LNX2: variants seen among roughly 807,000 people sequenced by gnomAD.
The protein encoded by LNX2 is ligand of numb-protein X 2.
In LNX2, 35 loss-of-function variants were observed where a neutral mutation model predicts 66.2. The observed-to-expected ratio is 0.53, with a 90% CI of 0.40 to 0.70. The LOEUF is 0.70. Ranked by LOEUF, LNX2 falls within the 30% of genes least tolerant of loss-of-function variation. LNX2 has a pLI of 0.00. For synonymous variants in LNX2, 337 were observed against 315.6 expected (o/e 1.07, Z -0.72); for missense variants, 791 against 850.8 (o/e 0.93, Z 0.87).
chr13:27,611,982 T>A (rs1955778474), intron 1 of LNX2, among the ~76,000 whole-genome samples: 2 of 152,026 alleles, frequency 1.3e-5, no homozygotes, highest in African/African-American at 2.4e-5. Context: ...AAGAAGGGAG[T>A]TAATTGATAA....
intron 7 of LNX2, among the ~76,000 whole-genome samples, chr13:27,555,728 A>C (rs766048802): frequency 3.6e-4 from 55 of 152,170 alleles, no homozygotes; most frequent in Non-Finnish European, 6.8e-4. Context: ...CTTATATACA[A>C]ACTAAGTCAA....
Position 27,547,957 on chromosome 13 carries a change from A to G in LNX2, c.*378T>C, listed in dbSNP as rs1593234937. 1 of 196,376 alleles carries G rather than the reference A, an allele frequency of 5.1e-6. No homozygotes were observed. The highest frequency in any genetic ancestry group is 1.3e-4 in the East Asian group (1 of 7,842). The allele number at this position is 196,376 out of a possible 1,614,324, so 12.2% of individuals were successfully genotyped here. A position where few individuals can be genotyped will look rare whatever the true frequency, so the allele number is the denominator to read the frequency against. On this transcript the variant is annotated 3_prime_UTR_variant, in exon 10 of 10. Coordinates refer to ENST00000316334, the MANE Select transcript of LNX2 (RefSeq NM_153371.4). Reference sequence around the variant, plus strand: ...CGCTGTTGTTACTGGCTTTGCTGACATCAGGCCTGAGGGATACAGAACTCG... The same window carrying G: ...CGCTGTTGTTACTGGCTTTGCTGACGTCAGGCCTGAGGGATACAGAACTCG...
chr13:27,589,614 G>C lies in LNX2; in HGVS notation c.-100-7811C>G, dbSNP rs556019620. On this transcript the variant is annotated intron_variant, in intron 1 of 9. Coordinates refer to ENST00000316334, the MANE Select transcript of LNX2 (RefSeq NM_153371.4). ...TAATTTTGAAATTCTCCTAAACCATGATGAAAAAGGTTTTTTTAGTGCAAA... is the reference window on the plus strand; with the variant it reads ...TAATTTTGAAATTCTCCTAAACCATCATGAAAAAGGTTTTTTTAGTGCAAA... 1.1e-3 allele frequency among the ~76,000 whole-genome samples: 163 copies of C among 152,084 alleles called. 1 individual carries two copies. Among genetic ancestry groups the C allele is most frequent in the Admixed American group, 2.8e-3 (43 of 15,270 alleles).
At chr13:27,595,998 T>C (rs543955648) in intron 1 of LNX2, among the ~76,000 whole-genome samples, 5 of 152,296 alleles carry the variant, frequency 3.3e-5, no homozygotes, top group Admixed American at 2.6e-4. Context: ...AACAAGTAGG[T>C]GGCTTCAGTG....
intron 1 of LNX2, among the ~76,000 whole-genome samples, chr13:27,606,408 A>G: frequency 6.6e-6 from 1 of 152,026 alleles, no homozygotes; most frequent in South Asian, 2.1e-4. Flanking sequence ...AAAGCTCAAA[A>G]AAAAAAAAGG....
At chr13:27,568,500 A>C (rs994077546) in intron 3 of LNX2, among the ~76,000 whole-genome samples, 12 of 152,140 alleles carry the variant, frequency 7.9e-5, no homozygotes, top group Admixed American at 2.6e-4. Context: ...CTTGGAGTCA[A>C]ATACAAACCC....
rs1429597713 is a variant in LNX2 at position 27,548,349 on chromosome 13, C to T, written c.2059G>A (p.Gly687Ser). ...ATTTCCAAAATCTATACAAGGCTGC[C>T]AGGCCAACAAATAACGGTCAGAGTG... is the stretch of plus-strand genomic sequence containing the variant. ...KVTLTVICWP[G>S]SLV Residue 687 changes from glycine to serine, a missense_variant, in exon 10 of 10, where the codon GGC (glycine) becomes AGC (serine). Transcript: ENST00000316334. The T allele has an allele frequency of 2.5e-6, 4 of 1,612,458 alleles. No homozygotes were observed. Among genetic ancestry groups the T allele is most frequent in the Non-Finnish European group, 2.5e-6 (3 of 1,179,504 alleles).
chr13:27,566,757 A>C (rs1422803750), intron 4 of LNX2, among the ~76,000 whole-genome samples: 2 of 152,188 alleles, frequency 1.3e-5, no homozygotes, highest in African/African-American at 4.8e-5. Flanking sequence ...ACCGAACCAC[A>C]AATCCAAGGA....
rs757407816 is a variant in LNX2, at chr13:27,569,137, T to C, written c.547A>G (p.Thr183Ala). ...TLSPEADCLG[T>A]GAVPVERHLT... ...TGCCGCTCCACAGGCACTGCGCCTG[T>C]CCCCAAACAGTCTGCTTCTGGAGAT... Residue 183 changes from threonine (T) to alanine (A), a missense_variant, in exon 3 of 10, where the codon ACA becomes GCA. Thr to Ala is a moderately conservative substitution (Grantham distance 58). Transcript: ENST00000316334. The C allele has an allele frequency of 2.5e-6, 4 of 1,612,722 alleles. No individual in the cohort carries two copies. In the Admixed American group the frequency reaches 6.7e-5, roughly 27 times the overall value.
Position 27,581,347 on chromosome 13 carries a change from C to A in LNX2, c.357G>T (p.Val119=), listed in dbSNP as rs769431488. ...KLLVLCPFSS[V]CKDVMQRCDL... is the part of the protein sequence containing the mutation. ...CACAACGTTGCATTACATCTTTGCA[C>A]ACTGAAGAAAATGGACATAAAACTA... Residue 119 remains valine, a synonymous_variant, in exon 2 of 10, where the codon GTG becomes GTT. Transcript: ENST00000316334. 1 of 1,555,910 alleles carries A rather than the reference C, an allele frequency of 6.4e-7. No individual in the cohort carries two copies. The highest frequency in any genetic ancestry group is 1.4e-5 in the African/African-American group (1 of 73,020).
intron 1 of LNX2, among the ~76,000 whole-genome samples, chr13:27,619,375 C>G (rs569487561): frequency 6.6e-6 from 1 of 152,284 alleles, no homozygotes; most frequent in African/African-American, 2.4e-5. Context: ...TAAAATTGAT[C>G]TACTGAGATC....
At chr13:27,590,650 T>C (rs991378595) in intron 1 of LNX2, among the ~76,000 whole-genome samples, 4 of 152,190 alleles carry the variant, frequency 2.6e-5, no homozygotes, top group South Asian at 4.1e-4. Flanking sequence ...GCCAATCTTA[T>C]ACTTTTTCAT....
chr13:27,553,030 A>G (rs1955022749), intron 8 of LNX2, among the ~76,000 whole-genome samples, 178 bp downstream of exon 8: 1 of 152,220 alleles, frequency 6.6e-6, no homozygotes, highest in African/African-American at 2.4e-5. Flanking sequence ...TGTACCTTTT[A>G]AAGTGTAATA....
intron 2 of LNX2, among the ~76,000 whole-genome samples, chr13:27,577,135 G>A (rs1955348598): frequency 6.6e-6 from 1 of 152,128 alleles, no homozygotes; most frequent in African/African-American, 2.4e-5. Context: ...ATGATGTTGA[G>A]CATGTCATGT....
At position 27,583,210 on chromosome 13, in the gene LNX2, G is replaced by A. The variant is rs1190416946; in HGVS notation, c.-100-1407C>T. ...TGTGTGTGTGTGTGTGTGTGTGTGTGTGTGTGTGTGTGTGTGTGTGTGTGT... is the reference window on the plus strand; with the variant it reads ...TGTGTGTGTGTGTGTGTGTGTGTGTATGTGTGTGTGTGTGTGTGTGTGTGT... On this transcript the variant is annotated intron_variant, in intron 1 of 9. Transcript: ENST00000316334. Among the ~76,000 whole-genome samples the A allele has an allele frequency of 4.1e-4, 9 of 22,084 alleles. 1 individual carries two copies. The highest frequency in any genetic ancestry group is 7.2e-4 in the Non-Finnish European group (8 of 11,062). The allele number at this position is 22,084 out of a possible 152,430, so 14.5% of individuals were successfully genotyped here.
chr13:27,611,795 T>C (rs531421396), intron 1 of LNX2, among the ~76,000 whole-genome samples: 2 of 152,354 alleles, frequency 1.3e-5, no homozygotes, highest in Non-Finnish European at 2.9e-5. Context: ...TGATGACATA[T>C]ATTTTGAACA....
intron 1 of LNX2, among the ~76,000 whole-genome samples, chr13:27,609,342 C>A (rs1237902602): frequency 1.3e-5 from 2 of 151,794 alleles, no homozygotes; most frequent in Non-Finnish European, 2.9e-5. Context: ...CTAGTAGAGA[C>A]AGAGTTTCAT....
At chr13:27,570,176 T>C (rs897680594) in intron 2 of LNX2, among the ~76,000 whole-genome samples, 1 of 152,128 alleles carries the variant, frequency 6.6e-6, no homozygotes, top group African/African-American at 2.4e-5. Context: ...AAAAGATTAG[T>C]GAAGGAAAGT....
At chr13:27,595,476 A>T (rs1013403672) in intron 1 of LNX2, among the ~76,000 whole-genome samples, 2 of 76,774 alleles carry the variant, frequency 2.6e-5, no homozygotes, top group Non-Finnish European at 4.7e-5. Context: ...AATATGAATG[A>T]ACAAATGTGT....
Sources: allele counts gnomAD v4.1 joint callset (sites outside exome capture counted in the v4.1 genomes callset), GRCh38; gene constraint gnomAD v4.1.1; transcripts MANE v1.5; gene names NCBI Gene and HGNC (gene_info 2026-07-23, HGNC 2026-07-21).